RPA1: variants seen among roughly 807,000 people sequenced by gnomAD.
The protein encoded by RPA1 is replication protein A 70 kDa DNA-binding subunit.
RPA1 carries 49 observed loss-of-function variants against 83.0 expected under a neutral mutation model. The observed-to-expected ratio is 0.59, with a 90% CI of 0.47 to 0.75. The LOEUF is 0.75. Among genes scored for constraint, RPA1 ranks in the 30% least tolerant of loss-of-function variants. The pLI, the probability that RPA1 is intolerant of heterozygous loss-of-function variation, is 0.00. For missense variants in RPA1, 693 were observed against 776.1 expected (o/e 0.89, Z 1.27); for synonymous variants, 279 against 281.8 (o/e 0.99, Z 0.10).
chr17:1,832,605 T>C (rs1911662233), intron 1 of RPA1, among the ~76,000 whole-genome samples: 1 of 152,032 alleles, frequency 6.6e-6, no homozygotes, highest in African/African-American at 2.4e-5. Flanking sequence ...CAGGCTGGTC[T>C]CGAACTCCTG....
intron 5 of RPA1, among the ~76,000 whole-genome samples, chr17:1,853,876 C>A (rs1379545580): frequency 6.6e-6 from 1 of 152,208 alleles, no homozygotes; most frequent in African/African-American, 2.4e-5. Flanking sequence ...ATAACACTCA[C>A]TGCACTGGTA....
chr17:1,882,511 C>T (rs891724179), intron 12 of RPA1, among the ~76,000 whole-genome samples: 5 of 151,870 alleles, frequency 3.3e-5, no homozygotes, highest in East Asian at 1.9e-4. Context: ...AAAAATCAGC[C>T]GGGCCTGTAG....
At chr17:1,874,010 A>AT (rs1474055207) in intron 6 of RPA1, among the ~76,000 whole-genome samples, 57 of 100,908 alleles carry the variant, frequency 5.6e-4, no homozygotes, top group Admixed American at 2.5e-3. Context: ...AAAAAAAAAA[A>AT]AAATATATAT....
chr17:1,834,859 A>G (rs1911752649), intron 1 of RPA1, among the ~76,000 whole-genome samples: 1 of 151,922 alleles, frequency 6.6e-6, no homozygotes, highest in Non-Finnish European at 1.5e-5. Flanking sequence ...GTTGCTTTAT[A>G]TACTTACTAG....
intron 5 of RPA1, 145 bp downstream of exon 5, chr17:1,853,334 G>A (rs1231959603): frequency 6.2e-6 from 4 of 642,422 alleles, no homozygotes; most frequent in Non-Finnish European, 8.1e-6. Flanking sequence ...ATTCTGTCAG[G>A]CTTTTTCAGT....
chr17:1,853,074 CCTGTTT>C, intron 4 of RPA1, 21 bp from the exon 5 acceptor site: 1 of 1,593,236 alleles, frequency 6.3e-7, no homozygotes, highest in Non-Finnish European at 8.6e-7. Flanking sequence ...GTTTTTCTAA[CCTGTTT>C]CTGTTTGTCT....
rs41557412 is a variant in RPA1, at chr17:1,884,248, C to T, written c.1374+304C>T. 1.6e-3 allele frequency among the ~76,000 whole-genome samples: 246 copies of T among 152,246 alleles called. No homozygotes were observed. Among genetic ancestry groups the T allele is most frequent in the Non-Finnish European group, 2.1e-3 (145 of 68,004 alleles). ...TTTGTGGTATAATATCACCTGCTTT[C>T]GGGTCCACGTTTCTTTCCTGTGATC... On this transcript the variant is annotated intron_variant, in intron 13 of 16. Transcript: ENST00000254719. This position sits in a 1 kb window ranked among gnomAD's most constrained non-coding sequence, Gnocchi z 4.1.
chr17:1,857,991 G>C lies in RPA1; in HGVS notation c.361+4802G>C, dbSNP rs1451533937. ...GATAAGAATGACAAACAGAAAGATG[G>C]GTGAATGTAATAATGTGTAGGAAGA... On this transcript the variant is annotated intron_variant, in intron 5 of 16. Transcript: ENST00000254719. The C allele has an allele frequency of 1.9e-6, 3 of 1,594,578 alleles. No homozygotes were observed. The African/African-American group carries it at 4.1e-5, about 22-fold the overall frequency.
At chr17:1,858,281 C>T (rs1423539356) in intron 5 of RPA1, 105 of 1,611,614 alleles carry the variant, frequency 6.5e-5, no homozygotes, top group Admixed American at 2.0e-4. Flanking sequence ...GGGAGTAACA[C>T]GGCCGACATG....
chr17:1,846,615 C>T lies in RPA1; in HGVS notation c.272+1929C>T, dbSNP rs145099165. ...GATTACAGGCGTGAGCCACCGTGGC[C>T]GGCCGTCCATATTCTTTTTTCTTCT... On this transcript the variant is annotated intron_variant, in intron 4 of 16. Coordinates refer to ENST00000254719, the MANE Select transcript of RPA1 (RefSeq NM_002945.5). Among the ~76,000 whole-genome samples, 1,093 of 152,156 alleles carry T rather than the reference C, an allele frequency of 7.2e-3. 15 individuals carry two copies. Among genetic ancestry groups the T allele is most frequent in the African/African-American group, 0.025 (1,057 of 41,514 alleles).
intron 16 of RPA1, among the ~76,000 whole-genome samples, chr17:1,895,829 C>T (rs994501955): frequency 6.6e-5 from 10 of 151,896 alleles, no homozygotes; most frequent in African/African-American, 1.7e-4. Context: ...ATTACAGGCG[C>T]CCGCCACCAT....
intron 1 of RPA1, among the ~76,000 whole-genome samples, chr17:1,831,474 G>A (rs905360649): frequency 1.3e-4 from 19 of 151,660 alleles, no homozygotes; most frequent in African/African-American, 4.4e-4. Flanking sequence ...CTCAGCATAC[G>A]TTCCTGCCAC....
intron 14 of RPA1, among the ~76,000 whole-genome samples, chr17:1,889,509 AAATTATTTTATTG>A (rs1370348222): frequency 1.3e-5 from 2 of 151,772 alleles, no homozygotes; most frequent in Admixed American, 1.3e-4. Flanking sequence ...CTAATTTTTA[AAATTATTTTATTG>A]TAGAGACAGG....
At position 1,844,735 on chromosome 17, in the gene RPA1, A is replaced by C. The variant is rs775745856; in HGVS notation, c.272+49A>C. On this transcript the variant is annotated intron_variant, in intron 4 of 16. Coordinates refer to ENST00000254719, the MANE Select transcript of RPA1 (RefSeq NM_002945.5). ...CTTATTGTATCGTAGAATGGGAACA[A>C]ATTTAGGAATAAAAAAGGCAATAGT... is the stretch of plus-strand genomic sequence containing the variant. 4.7e-5 allele frequency: 65 copies of C among 1,375,168 alleles called. No individual in the cohort carries two copies. The African/African-American group carries it at 8.2e-4, about 17-fold the overall frequency. The allele number at this position is 1,375,168 out of a possible 1,614,324, so 85.2% of individuals were successfully genotyped here. A position where few individuals can be genotyped will look rare whatever the true frequency, so the allele number is the denominator to read the frequency against.
chr17:1,831,635 G>A (rs1259646955), intron 1 of RPA1, among the ~76,000 whole-genome samples: 1 of 135,400 alleles, frequency 7.4e-6, no homozygotes, highest in Admixed American at 8.0e-5. Flanking sequence ...ATCTTGCTCT[G>A]TTGCCCAGGC....
chr17:1,830,907 A>C (rs1179445761), intron 1 of RPA1, among the ~76,000 whole-genome samples: 1 of 151,786 alleles, frequency 6.6e-6, no homozygotes, highest in East Asian at 1.9e-4. Context: ...CTGGGACTAC[A>C]TGTGTGCGCC....
intron 7 of RPA1, 129 bp downstream of exon 7, chr17:1,875,922 C>CTTT (rs371878374): frequency 3.8e-4 from 207 of 541,982 alleles, no homozygotes; most frequent in African/African-American, 1.2e-3. Context: ...TGGGTTTACT[C>CTTT]TTTTTTTTTT....
intron 5 of RPA1, chr17:1,858,165 G>T (rs1405420956): frequency 6.2e-7 from 1 of 1,613,976 alleles, no homozygotes; most frequent in Non-Finnish European, 8.5e-7. Flanking sequence ...TCCCATTCCA[G>T]GTATGATACA....
At position 1,844,752 on chromosome 17, in the gene RPA1, G is replaced by A. The variant is rs529810208; in HGVS notation, c.272+66G>A. ...TGGGAACAAATTTAGGAATAAAAAA[G>A]GCAATAGTGAGTTTTCAGCTAAGAA... On this transcript the variant is annotated intron_variant, in intron 4 of 16. Transcript: ENST00000254719. 2,499 of 1,247,566 alleles carry A rather than the reference G, an allele frequency of 2.0e-3. 37 individuals carry two copies. The South Asian group carries it at 0.023, about 11-fold the overall frequency. 77.3% of individuals were successfully genotyped at this position (1,247,566 alleles called of 1,614,324 possible).
Sources: gnomAD v4.1 joint callset for allele counts (sites outside exome capture counted in the v4.1 genomes callset) on GRCh38, gnomAD v4.1.1 for gene constraint, Gnocchi (gnomAD v3.1) non-coding constraint, MANE v1.5 for transcripts, NCBI Gene and HGNC (gene_info 2026-07-23, HGNC 2026-07-21) for gene names.